LEKR1: variants seen among roughly 807,000 people sequenced by gnomAD.
LEKR1 encodes protein LEKR1.
LEKR1 carries 59 observed loss-of-function variants against 72.4 expected under a neutral mutation model. That is an observed-to-expected ratio of 0.82 (90% CI 0.66 to 1.01). The LOEUF is 1.01. Among genes scored for constraint, LEKR1 ranks in the 50% least tolerant of loss-of-function variants. The pLI is 0.00. For missense variants in LEKR1, 728 were observed against 759.2 expected (o/e 0.96, Z 0.48); for synonymous variants, 257 against 263.2 (o/e 0.98, Z 0.23).
chr3:156,975,843 G>A (rs1729641838), intron 6 of LEKR1, among the ~76,000 whole-genome samples: 1 of 152,204 alleles, frequency 6.6e-6, no homozygotes, highest in African/African-American at 2.4e-5. Flanking sequence ...TCTGCATGGT[G>A]TTTAAAGCCA....
intron 3 of LEKR1, chr3:156,888,453 TA>T: frequency 1.5e-6 from 1 of 687,044 alleles, no homozygotes; most frequent in Non-Finnish European, 2.7e-6. Context: ...GCAAAATAAA[TA>T]TTTTTTTGAA....
chr3:156,982,702 A>C (rs1730301944), intron 7 of LEKR1, among the ~76,000 whole-genome samples: 1 of 152,212 alleles, frequency 6.6e-6, no homozygotes, highest in Non-Finnish European at 1.5e-5. Flanking sequence ...ATTTTTAAGT[A>C]CTATAATATC....
chr3:156,854,019 A>G (rs1456148693), intron 3 of LEKR1, among the ~76,000 whole-genome samples: 1 of 152,102 alleles, frequency 6.6e-6, no homozygotes, highest in Non-Finnish European at 1.5e-5. Flanking sequence ...ATAAGGCAAG[A>G]AAGTCTTTGT....
At chr3:156,988,143 A>G (rs1230884365) in intron 7 of LEKR1, 1 of 167,608 alleles carries the variant, frequency 6.0e-6, no homozygotes, top group Non-Finnish European at 1.3e-5. Flanking sequence ...AGGAACACCA[A>G]GAGGTCTACC....
intron 3 of LEKR1, among the ~76,000 whole-genome samples, chr3:156,877,887 A>G (rs1204194216): frequency 1.3e-5 from 2 of 151,978 alleles, no homozygotes; most frequent in African/African-American, 4.8e-5. Flanking sequence ...GGTTCAAGTG[A>G]TTCTCCTGCC....
chr3:157,011,719 G>T (rs1732900878), intron 10 of LEKR1, among the ~76,000 whole-genome samples: 1 of 151,970 alleles, frequency 6.6e-6, no homozygotes, highest in African/African-American at 2.4e-5. Flanking sequence ...ACACATTTTG[G>T]AATCTTGTAA....
At chr3:157,028,719 T>C (rs1734386340) in intron 12 of LEKR1, among the ~76,000 whole-genome samples, 1 of 152,216 alleles carries the variant, frequency 6.6e-6, no homozygotes, top group South Asian at 2.1e-4. Flanking sequence ...TGTTTATGTC[T>C]TATTTGTTTT....
At chr3:157,012,899 C>A (rs1401698832) in intron 10 of LEKR1, among the ~76,000 whole-genome samples, 1 of 151,996 alleles carries the variant, frequency 6.6e-6, no homozygotes, top group Non-Finnish European at 1.5e-5. Flanking sequence ...TCTTACCAAT[C>A]TATGTTTAAA....
chr3:156,964,482 T>C (rs1287847372), intron 6 of LEKR1, among the ~76,000 whole-genome samples: 1 of 152,204 alleles, frequency 6.6e-6, no homozygotes, highest in Non-Finnish European at 1.5e-5. Flanking sequence ...CTTAAAACTG[T>C]AAAACATATT....
chr3:157,003,967 G>A (rs929086068), intron 9 of LEKR1, among the ~76,000 whole-genome samples: 1 of 152,014 alleles, frequency 6.6e-6, no homozygotes, highest in Non-Finnish European at 1.5e-5. Context: ...ATGGCAAAAT[G>A]GTAGATTTAA....
At chr3:157,027,231 G>A (rs1577015742) in intron 11 of LEKR1, among the ~76,000 whole-genome samples, 2 of 150,654 alleles carry the variant, frequency 1.3e-5, no homozygotes, top group African/African-American at 2.4e-5. Flanking sequence ...TACCAGCACC[G>A]TCAGTAGTCA....
intron 5 of LEKR1, among the ~76,000 whole-genome samples, chr3:156,941,691 C>G (rs1292273932): frequency 6.6e-6 from 1 of 152,064 alleles, no homozygotes; most frequent in Non-Finnish European, 1.5e-5. Flanking sequence ...AAATCACATG[C>G]TCATCAATTC....
At chr3:156,888,285 C>T in intron 3 of LEKR1, 1 of 700,332 alleles carries the variant, frequency 1.4e-6, no homozygotes. Context: ...TGTTTATGTT[C>T]AATCTTAACA....
At position 157,031,358 on chromosome 3, in the gene LEKR1, G is replaced by A. The variant is rs150706396; in HGVS notation, c.1668+2956G>A. Among the ~76,000 whole-genome samples the A allele has an allele frequency of 8.3e-4, 127 of 152,192 alleles. 2 individuals carry two copies. The South Asian group carries it at 0.024, about 29-fold the overall frequency. ...AGAGGAGAAAAGGATCATCCCAAAGGTAAAGAAAACCAATTAAGGGTATAC... is the reference window on the plus strand; with the variant it reads ...AGAGGAGAAAAGGATCATCCCAAAGATAAAGAAAACCAATTAAGGGTATAC... On this transcript the variant is annotated intron_variant, in intron 12 of 12. Coordinates refer to ENST00000356539, the MANE Select transcript of LEKR1 (RefSeq NM_001004316.3).
At chr3:156,995,420 T>C (rs995820690) in intron 9 of LEKR1, among the ~76,000 whole-genome samples, 5 of 152,240 alleles carry the variant, frequency 3.3e-5, no homozygotes, top group African/African-American at 1.2e-4. Flanking sequence ...CCTTTCTTTT[T>C]TTTCTTGTAT....
chr3:156,892,153 A>T (rs957450485), intron 3 of LEKR1, among the ~76,000 whole-genome samples: 14 of 152,124 alleles, frequency 9.2e-5, no homozygotes, highest in Non-Finnish European at 1.8e-4. Flanking sequence ...AGGGGATAAG[A>T]AGAAGAAAGG....
At position 156,942,627 on chromosome 3, in the gene LEKR1, A is replaced by T. The variant is rs1426494818; in HGVS notation, c.658A>T (p.Ile220Leu). The T allele has an allele frequency of 7.9e-7, 1 of 1,269,264 alleles. No homozygotes were observed. 78.6% of individuals were successfully genotyped at this position (1,269,264 alleles called of 1,614,324 possible). ...KNLKLLSDAA[I>L]LRSQQIRTSR... ...TCTGAAATTGTTGTCAGATGCAGCC[A>T]TATTGAGATCTCAGCAGATTCGGAC... is the stretch of plus-strand genomic sequence containing the variant. Residue 220 changes from isoleucine (I) to leucine (L), a missense_variant, in exon 6 of 13, where the codon ATA becomes TTA. Transcript: ENST00000356539.
chr3:156,902,819 C>T (rs113540083), intron 3 of LEKR1, among the ~76,000 whole-genome samples: 18 of 151,764 alleles, frequency 1.2e-4, no homozygotes, highest in African/African-American at 3.9e-4. Flanking sequence ...GCTTTCATAG[C>T]GAAATGCTTG....
At chr3:156,876,202 A>G (rs1286728172) in intron 3 of LEKR1, among the ~76,000 whole-genome samples, 2 of 152,038 alleles carry the variant, frequency 1.3e-5, no homozygotes, top group Non-Finnish European at 2.9e-5. Flanking sequence ...GCCTGTTTTT[A>G]TACCAGTACC....
Sources: gnomAD v4.1 joint callset for allele counts (sites outside exome capture counted in the v4.1 genomes callset) on GRCh38, gnomAD v4.1.1 for gene constraint, MANE v1.5 for transcripts, NCBI Gene and HGNC (gene_info 2026-07-23, HGNC 2026-07-21) for gene names.